GREB1L: variants seen among roughly 807,000 people sequenced by gnomAD.
GREB1L encodes the protein GREB1-like protein.
A neutral mutation model predicts 200.8 loss-of-function variants in GREB1L; 17 were observed. The ratio of observed to expected loss-of-function variants is 0.08; its 90% CI spans 0.06 to 0.13. The LOEUF (loss-of-function observed/expected upper bound fraction) is 0.13, where lower values mean the gene tolerates loss of function less well. GREB1L is among the 10% of genes least tolerant of loss of function. The pLI is 1.00. For missense variants in GREB1L, 1,657 were observed against 2,367.7 expected (o/e 0.70, Z 6.23); for synonymous variants, 789 against 893.0 (o/e 0.88, Z 2.08).
chr18:21,496,790 A>G, intron 21 of GREB1L, 92 bp downstream of exon 21: 6 of 1,417,502 alleles, frequency 4.2e-6, no homozygotes, highest in Non-Finnish European at 4.7e-6. Context: ...CTGACACCCC[A>G]ACGGCCTTCA....
chr18:21,245,259 A>G lies in GREB1L; in HGVS notation c.-120+2866A>G, dbSNP rs376924369. Among the ~76,000 whole-genome samples, 8 of 152,260 alleles carry G rather than the reference A, an allele frequency of 5.3e-5. No homozygotes were observed. In the South Asian group the frequency reaches 6.2e-4, roughly 12 times the overall value. On this transcript the variant is annotated intron_variant, in intron 1 of 32. Coordinates refer to ENST00000424526, the MANE Select transcript of GREB1L (RefSeq NM_001142966.3). ...CTCATACTGAAAGCTAAAGCTTTCT[A>G]AAAGCACCGCTGATGAAACATATGT... is the stretch of plus-strand genomic sequence containing the variant.
chr18:21,304,900 G>A (rs558593183), intron 1 of GREB1L, among the ~76,000 whole-genome samples: 1 of 152,056 alleles, frequency 6.6e-6, no homozygotes, highest in East Asian at 1.9e-4. Flanking sequence ...TGTTGTTCAA[G>A]TCTTCCCTAC....
At chr18:21,484,687 G>T (rs530674231) in intron 17 of GREB1L, among the ~76,000 whole-genome samples, 2 of 152,272 alleles carry the variant, frequency 1.3e-5, no homozygotes, top group South Asian at 4.1e-4. Context: ...GCTGGGCGTG[G>T]TGGTGGGTGC....
chr18:21,444,912 G>A (rs1483895450), intron 11 of GREB1L, among the ~76,000 whole-genome samples: 6 of 151,906 alleles, frequency 3.9e-5, no homozygotes, highest in African/African-American at 1.5e-4. Context: ...GAGTCCCATC[G>A]TGCTTTCCAT....
At chr18:21,442,190 T>G (rs1299655794) in intron 10 of GREB1L, among the ~76,000 whole-genome samples, 1 of 152,170 alleles carries the variant, frequency 6.6e-6, no homozygotes, top group Non-Finnish European at 1.5e-5. Context: ...ACTAACTTAG[T>G]GCTTTTCATA....
intron 15 of GREB1L, among the ~76,000 whole-genome samples, chr18:21,460,210 T>C (rs2034982540): frequency 6.6e-6 from 1 of 152,362 alleles, no homozygotes; most frequent in East Asian, 1.9e-4. Context: ...GTTTCGCTCT[T>C]GTGGCCCAGG....
intron 5 of GREB1L, among the ~76,000 whole-genome samples, chr18:21,397,176 AT>A (rs1370854153): frequency 6.6e-6 from 1 of 151,910 alleles, no homozygotes; most frequent in Non-Finnish European, 1.5e-5. Flanking sequence ...GGTAATTTTC[AT>A]TTTTTATAAG....
At chr18:21,459,278 A>ACTTTTTTTTTTTTTTTTTTTTTTTT (rs2034922972) in intron 15 of GREB1L, among the ~76,000 whole-genome samples, 1 of 85,202 alleles carries the variant, frequency 1.2e-5, no homozygotes. Context: ...CTTTTTCTTT[A>ACTTTTTTTTTTTTTTTTTTTTTTTT]CTTTTTTTTT....
chr18:21,502,365 G>C (rs1471426401), intron 23 of GREB1L, among the ~76,000 whole-genome samples: 1 of 152,100 alleles, frequency 6.6e-6, no homozygotes, highest in African/African-American at 2.4e-5. Context: ...AGGCAACCAG[G>C]CGGAAGTTCC....
intron 1 of GREB1L, among the ~76,000 whole-genome samples, chr18:21,284,125 C>G (rs1337798856): frequency 6.6e-6 from 1 of 152,112 alleles, no homozygotes; most frequent in African/African-American, 2.4e-5. Flanking sequence ...TCACACACCC[C>G]TACTTCATCC....
At chr18:21,328,374 G>T (rs1274231117) in intron 1 of GREB1L, among the ~76,000 whole-genome samples, 1 of 152,156 alleles carries the variant, frequency 6.6e-6, no homozygotes, top group Non-Finnish European at 1.5e-5. Context: ...GTGTATCCCA[G>T]TAAGACCCCA....
intron 2 of GREB1L, among the ~76,000 whole-genome samples, chr18:21,372,940 C>CTT (rs57702520): frequency 5.2e-4 from 78 of 150,948 alleles, no homozygotes; most frequent in African/African-American, 1.8e-3. Flanking sequence ...CTTTTCTTTT[C>CTT]TTTTTTTTTG....
chr18:21,375,872 TACCACCACC>T (rs1283480411), intron 2 of GREB1L, among the ~76,000 whole-genome samples: 2 of 151,964 alleles, frequency 1.3e-5, no homozygotes, highest in Admixed American at 6.6e-5. Context: ...TGACAATAAC[TACCACCACC>T]ACCACCATCA....
At chr18:21,506,659 C>A (rs1053248949) in intron 25 of GREB1L, among the ~76,000 whole-genome samples, 1 of 152,180 alleles carries the variant, frequency 6.6e-6, no homozygotes, top group Non-Finnish European at 1.5e-5. Flanking sequence ...ACAGGGTGTG[C>A]CCTTTGAGCT....
intron 14 of GREB1L, 121 bp from the exon 15 acceptor site, chr18:21,454,245 A>G: frequency 3.0e-6 from 2 of 672,106 alleles, no homozygotes; most frequent in Non-Finnish European, 5.1e-6. Context: ...ATAGCAGGTG[A>G]GAATTCGTAG....
At chr18:21,292,598 A>G (rs1434677146) in intron 1 of GREB1L, among the ~76,000 whole-genome samples, 2 of 152,180 alleles carry the variant, frequency 1.3e-5, no homozygotes, top group Non-Finnish European at 2.9e-5. Context: ...TTTCATTGGA[A>G]TTATATCATG....
intron 1 of GREB1L, among the ~76,000 whole-genome samples, chr18:21,261,211 A>G (rs2144115399): frequency 6.6e-6 from 1 of 152,166 alleles, no homozygotes; most frequent in African/African-American, 2.4e-5. Flanking sequence ...GCTGGCTTGA[A>G]TATATTCTTC....
intron 18 of GREB1L, 26 bp downstream of exon 18, chr18:21,485,779 T>C (rs2036104990): frequency 6.5e-7 from 1 of 1,548,698 alleles, no homozygotes; most frequent in Admixed American, 2.0e-5. Flanking sequence ...GGCCTTCTGC[T>C]CTTCTCTCTA....
chr18:21,478,556 G>A (rs769957777), intron 17 of GREB1L, among the ~76,000 whole-genome samples: 20 of 152,312 alleles, frequency 1.3e-4, no homozygotes, highest in South Asian at 2.1e-4. Context: ...CTGACTTGGC[G>A]CTCTTGTCTT....
Sources: gnomAD v4.1 joint callset for allele counts (sites outside exome capture counted in the v4.1 genomes callset) on GRCh38, gnomAD v4.1.1 for gene constraint, MANE v1.5 for transcripts, NCBI Gene and HGNC (gene_info 2026-07-23, HGNC 2026-07-21) for gene names.